Variants in ITGB3 observed in about 807,000 individuals in gnomAD.
ITGB3 encodes the protein integrin beta-3.
ITGB3 carries 48 observed loss-of-function variants against 85.8 expected under a neutral mutation model. That is an observed-to-expected ratio of 0.56 (90% CI 0.44 to 0.71). The LOEUF (loss-of-function observed/expected upper bound fraction) is 0.71, where lower values mean the gene tolerates loss of function less well. Among genes scored for constraint, ITGB3 ranks in the 30% least tolerant of loss-of-function variants. The pLI, the probability that ITGB3 is intolerant of heterozygous loss-of-function variation, is 0.00. For synonymous variants in ITGB3, 363 were observed against 395.6 expected (o/e 0.92, Z 0.98); for missense variants, 861 against 1,019.1 (o/e 0.84, Z 2.11).
chr17:47,292,516 C>A lies in ITGB3; in HGVS notation c.1638C>A (p.Tyr546Ter). 2 of 1,606,228 alleles carry A rather than the reference C, an allele frequency of 1.2e-6. No homozygotes were observed. Among genetic ancestry groups the A allele is most frequent in the Admixed American group, 1.7e-5 (1 of 59,998 alleles). ...SSDFGKITGK[Y>*]CECDDFSCVR... ...ACTTTGGCAAGATCACGGGCAAGTA[C>A]TGCGAGTGTGACGACTTCTCCTGTG... Residue 546 changes from tyrosine (Y) to a stop codon, truncating the protein, a stop_gained, in exon 10 of 15, where the codon TAC becomes TAA. Coordinates refer to ENST00000559488, the MANE Select transcript of ITGB3 (RefSeq NM_000212.3). LOFTEE classifies it high-confidence loss of function.
chr17:47,299,556 G>T lies in ITGB3; in HGVS notation c.1913+26G>T. ...GTGAGTGTGGAGTCTGGAGAGAGCC[G>T]GGAGGCTGGGAGGTAGGAGAGGATC... On this transcript the variant is annotated intron_variant, in intron 11 of 14. Transcript: ENST00000559488. The surrounding 1 kb of genome is among the most constrained non-coding windows in gnomAD (Gnocchi z 5.1). 6.3e-7 allele frequency: 1 copy of T among 1,598,048 alleles called. No individual in the cohort carries two copies. The highest frequency in any genetic ancestry group is 8.6e-7 in the Non-Finnish European group (1 of 1,166,530).
chr17:47,309,046 C>T (rs9284377), intron 14 of ITGB3, among the ~76,000 whole-genome samples: 82,895 of 143,608 alleles, frequency 0.58, 24,337 homozygotes, highest in African/African-American at 0.68. Flanking sequence ...CCCTTCCCTT[C>T]CCTCCTTCCT....
chr17:47,303,290 TAA>T (rs1222038461), intron 13 of ITGB3, among the ~76,000 whole-genome samples: 3 of 151,446 alleles, frequency 2.0e-5, no homozygotes, highest in Admixed American at 6.6e-5. Context: ...AAAAAAACGA[TAA>T]GTTAGGGACC....
Position 47,307,539 on chromosome 17 carries a change from C to A in ITGB3, c.2203C>A (p.Leu735Ile), listed in dbSNP as rs1316993508. Residue 735 changes from leucine (L) to isoleucine (I), a missense_variant, in exon 14 of 15, where the codon CTT becomes ATT. Physicochemically the swap from Leu to Ile is conservative, Grantham distance 5 (BLOSUM62 2). Coordinates refer to ENST00000559488, the MANE Select transcript of ITGB3 (RefSeq NM_000212.3). Reference protein sequence around the residue: ...SVMGAILLIGLAALLIWKLLI... With the variant: ...SVMGAILLIGIAALLIWKLLI... ...GATGGGGGCCATTCTGCTCATTGGC[C>A]TTGCCGCCCTGCTCATCTGGAAACT... The A allele has an allele frequency of 1.2e-6, 2 of 1,614,008 alleles. No homozygotes were observed. Among genetic ancestry groups the A allele is most frequent in the African/African-American group, 2.7e-5 (2 of 74,894 alleles).
intron 10 of ITGB3, among the ~76,000 whole-genome samples, chr17:47,295,786 G>A (rs1026428906): frequency 1.4e-5 from 2 of 141,276 alleles, no homozygotes; most frequent in South Asian, 2.5e-4. Context: ...GGGTGGGGGG[G>A]CAGCTCTGCT....
chr17:47,276,289 G>C (rs964530339), intron 2 of ITGB3, among the ~76,000 whole-genome samples: 2 of 152,198 alleles, frequency 1.3e-5, no homozygotes, highest in African/African-American at 4.8e-5. Context: ...GATCTGTATA[G>C]GGACTAGCCA....
chr17:47,301,054 A>G (rs1246973501), intron 12 of ITGB3, among the ~76,000 whole-genome samples: 1 of 152,220 alleles, frequency 6.6e-6, no homozygotes, highest in Admixed American at 6.5e-5. Context: ...CTTCAACCTT[A>G]TGGATAGGCA....
rs754655559 is a variant in ITGB3 at position 47,284,648 on chromosome 17, A to G, written c.567A>G (p.Pro189=). ...CATTTGTGGACAAGCCTGTGTCACC[A>G]TACATGTATATCTCCCCACCAGAGG... is the stretch of plus-strand genomic sequence containing the variant. ...FGAFVDKPVS[P]YMYISPPEAL... Residue 189 remains proline (P), a synonymous_variant, in exon 4 of 15, where the codon CCA becomes CCG. Transcript: ENST00000559488. 5 of 1,614,038 alleles carry G rather than the reference A, an allele frequency of 3.1e-6. No homozygotes were observed. The African/African-American group carries it at 4.0e-5, about 13-fold the overall frequency.
chr17:47,270,377 G>A lies in ITGB3; in HGVS notation c.80-4042G>A, dbSNP rs370410610. Among the ~76,000 whole-genome samples, 4 of 152,302 alleles carry A rather than the reference G, an allele frequency of 2.6e-5. No individual in the cohort carries two copies. The East Asian group carries it at 7.7e-4, about 29-fold the overall frequency. The stretch of plus-strand genomic sequence containing the variant: ...GAGGGAGATACTTAAAATAGTTCAG[G>A]CTGTGCTCCTCTCAGAAGTCTTCTG... On this transcript the variant is annotated intron_variant, in intron 1 of 14. Coordinates refer to ENST00000559488, the MANE Select transcript of ITGB3 (RefSeq NM_000212.3).
chr17:47,289,516 G>T (rs773071429), intron 6 of ITGB3, among the ~76,000 whole-genome samples, 165 bp from the exon 7 acceptor site: 61 of 152,018 alleles, frequency 4.0e-4, no homozygotes, highest in Non-Finnish European at 7.4e-4. Flanking sequence ...GTAGAGATGG[G>T]GTCTTGCTAT....
chr17:47,308,702 A>T (rs2065200174), intron 14 of ITGB3, among the ~76,000 whole-genome samples: 2 of 152,014 alleles, frequency 1.3e-5, no homozygotes, highest in Admixed American at 6.6e-5. Context: ...GGGTTTCACC[A>T]TGTTGGCCAG....
At chr17:47,272,213 AC>A (rs1341241669) in intron 1 of ITGB3, among the ~76,000 whole-genome samples, 5 of 150,016 alleles carry the variant, frequency 3.3e-5, no homozygotes, top group African/African-American at 1.2e-4. Context: ...CTGCCACCAC[AC>A]CCGGCTAATT....
At chr17:47,260,732 AACAGACC>A (rs2065006176) in intron 1 of ITGB3, among the ~76,000 whole-genome samples, 1 of 151,806 alleles carries the variant, frequency 6.6e-6, no homozygotes, top group Admixed American at 6.6e-5. Context: ...ACAAGTTGAG[AACAGACC>A]ATGCTGCCCT....
chr17:47,296,805 C>T (rs1233306571), intron 10 of ITGB3, among the ~76,000 whole-genome samples: 2 of 152,166 alleles, frequency 1.3e-5, no homozygotes, highest in African/African-American at 4.8e-5. Context: ...GTTGAGAAAT[C>T]ACATTTTACA....
In ITGB3 at chr17:47,313,050, T is replaced by C. The variant is rs372193713; in HGVS notation, c.*2846T>C. 6.6e-6 allele frequency among the ~76,000 whole-genome samples: 1 copy of C among 152,238 alleles called. No individual in the cohort carries two copies. The highest frequency in any genetic ancestry group is 1.9e-4 in the East Asian group (1 of 5,202). ...ATGCAATGGCAAGATCTCAGTTCAC[T>C]GCAATCTCTGCCTCTCAGGTTCAAG... On this transcript the variant is annotated 3_prime_UTR_variant, in exon 15 of 15. Transcript: ENST00000559488.
At position 47,313,345 on chromosome 17, in the gene ITGB3, T is replaced by C. The variant is rs946274209; in HGVS notation, c.*3141T>C. On this transcript the variant is annotated 3_prime_UTR_variant, in exon 15 of 15. Transcript: ENST00000559488. The stretch of plus-strand genomic sequence containing the variant: ...TAAGTATTCCTGGTTGAAATTTCTT[T>C]TCTTTTTTTTTTTTTTTTTGAGACA... 9.1e-5 allele frequency among the ~76,000 whole-genome samples: 10 copies of C among 109,436 alleles called. No individual in the cohort carries two copies. Among genetic ancestry groups the C allele is most frequent in the Admixed American group, 5.8e-4 (7 of 12,020 alleles). The allele number at this position is 109,436 out of a possible 152,430, so 71.8% of individuals were successfully genotyped here.
Position 47,307,509 on chromosome 17 carries a change from T to C in ITGB3, c.2173T>C (p.Ser725Pro). ...CCCTGACATCCTGGTGGTCCTGCTC[T>C]CAGTGATGGGGGCCATTCTGCTCAT... ...KGPDILVVLL[S>P]VMGAILLIGL... The change falls in exon 14 of 15, where the codon TCA (serine) becomes CCA (proline). Residue 725 changes from serine to proline, a missense_variant. Ser to Pro is a moderately conservative substitution (Grantham distance 74). Transcript: ENST00000559488. 1 of 1,614,224 alleles carries C rather than the reference T, an allele frequency of 6.2e-7. No homozygotes were observed. The highest frequency in any genetic ancestry group is 8.5e-7 in the Non-Finnish European group (1 of 1,180,040).
intron 2 of ITGB3, chr17:47,279,924 T>TGGGCAGGGAC (rs1041373198): frequency 6.6e-6 from 1 of 151,780 alleles, no homozygotes; most frequent in African/African-American, 2.4e-5. Context: ...GAGGAAGGGG[T>TGGGCAGGGAC]AGGAGAGGTG....
Position 47,299,881 on chromosome 17 carries a change from C to T in ITGB3, c.1913+351C>T, listed in dbSNP as rs373026402. On this transcript the variant is annotated intron_variant, in intron 11 of 14. Coordinates refer to ENST00000559488, the MANE Select transcript of ITGB3 (RefSeq NM_000212.3). This position sits in a 1 kb window ranked among gnomAD's most constrained non-coding sequence, Gnocchi z 5.1. ...ATGTGAGGGCTGGAATTATGGAGGA[C>T]ACTCTGTGAAACTACTACAAACCTC... 6.6e-6 allele frequency among the ~76,000 whole-genome samples: 1 copy of T among 152,108 alleles called. No individual in the cohort carries two copies. The highest frequency in any genetic ancestry group is 1.5e-5 in the Non-Finnish European group (1 of 68,038).
Sources: gnomAD v4.1 joint callset for allele counts (sites outside exome capture counted in the v4.1 genomes callset) on GRCh38, gnomAD v4.1.1 for gene constraint, Gnocchi (gnomAD v3.1) non-coding constraint, MANE v1.5 for transcripts, NCBI Gene and HGNC (gene_info 2026-07-23, HGNC 2026-07-21) for gene names.